Variants in GRIP1 observed in about 807,000 individuals in gnomAD.
The protein encoded by GRIP1 is glutamate receptor interacting protein 1.
Under a neutral mutation model 129.9 loss-of-function variants are expected in GRIP1, and 45 were observed. That is an observed-to-expected ratio of 0.35 (90% CI 0.27 to 0.44). The LOEUF (loss-of-function observed/expected upper bound fraction) is 0.44. Among genes scored for constraint, GRIP1 ranks in the 20% least tolerant of loss-of-function variants. GRIP1 has a pLI of 1.00. For synonymous variants in GRIP1, 530 were observed against 520.8 expected, an observed-to-expected ratio of 1.02 and a Z score of -0.24; for missense variants, 1,196 against 1,396.8, an observed-to-expected ratio of 0.86 and a Z score of 2.29.
At chr12:66,950,904 T>C (rs1412741609) in intron 1 of GRIP1, among the ~76,000 whole-genome samples, 1 of 152,236 alleles carries the variant, frequency 6.6e-6, no homozygotes, top group Non-Finnish European at 1.5e-5. Context: ...GAAAGTGCTA[T>C]GATGTGTTGC....
intron 1 of GRIP1, among the ~76,000 whole-genome samples, chr12:66,688,588 T>C (rs1037818465): frequency 1.3e-5 from 2 of 152,072 alleles, no homozygotes; most frequent in African/African-American, 4.8e-5. Flanking sequence ...TTTTACCAAA[T>C]CTCAAAGGTT....
chr12:66,498,878 G>A (rs537155768), intron 7 of GRIP1, among the ~76,000 whole-genome samples: 15 of 152,228 alleles, frequency 9.9e-5, no homozygotes, highest in African/African-American at 3.6e-4. Flanking sequence ...TGTACTACAA[G>A]GAGGAGAAGA....
intron 1 of GRIP1, among the ~76,000 whole-genome samples, chr12:66,731,757 A>T (rs937847906): frequency 3.3e-5 from 5 of 152,206 alleles, no homozygotes; most frequent in African/African-American, 1.2e-4. Context: ...TTAAAATGGT[A>T]AATTTTATGT....
intron 1 of GRIP1, among the ~76,000 whole-genome samples, chr12:66,897,799 T>A (rs1439724943): frequency 6.6e-6 from 1 of 152,258 alleles, no homozygotes; most frequent in Non-Finnish European, 1.5e-5. Flanking sequence ...ACCTTTCTAA[T>A]GTTTCCTTGT....
chr12:66,372,292 AC>A (rs1035082581), intron 22 of GRIP1: 3 of 346,504 alleles, frequency 8.7e-6, no homozygotes, highest in African/African-American at 6.3e-5. Context: ...TCATGAGGCC[AC>A]CTTGAATATA....
At chr12:66,818,877 C>T (rs536063426) in intron 1 of GRIP1, among the ~76,000 whole-genome samples, 134 of 152,200 alleles carry the variant, frequency 8.8e-4, no homozygotes, top group African/African-American at 3.2e-3. Flanking sequence ...CTGTACAGAA[C>T]CACTAATGAG....
intron 16 of GRIP1, 34 bp from the exon 17 acceptor site, chr12:66,394,386 C>T (rs1379647556): frequency 1.9e-6 from 3 of 1,607,172 alleles, no homozygotes; most frequent in Non-Finnish European, 8.5e-7. Context: ...TAATTGATTT[C>T]TTTGGAAAAA....
intron 2 of GRIP1, among the ~76,000 whole-genome samples, chr12:66,576,986 T>C (rs112005082): frequency 2.6e-5 from 4 of 152,334 alleles, no homozygotes; most frequent in African/African-American, 9.6e-5. Context: ...GGTGAGCTAA[T>C]GGTTTTCTTG....
chr12:66,592,510 T>C (rs980526945), intron 2 of GRIP1, among the ~76,000 whole-genome samples: 5 of 152,192 alleles, frequency 3.3e-5, no homozygotes, highest in Non-Finnish European at 7.3e-5. Context: ...CATCAAAGTT[T>C]AGAAATGTAA....
intron 2 of GRIP1, among the ~76,000 whole-genome samples, chr12:66,589,173 T>C (rs2063754956): frequency 1.3e-5 from 2 of 149,672 alleles, no homozygotes; most frequent in South Asian, 2.1e-4. Flanking sequence ...AGTACTTGTA[T>C]AATTATTCCC....
intron 9 of GRIP1, among the ~76,000 whole-genome samples, chr12:66,458,784 A>T (rs2138272979): frequency 6.6e-6 from 1 of 152,260 alleles, no homozygotes; most frequent in Admixed American, 6.5e-5. Flanking sequence ...TTTTAGCCAC[A>T]CTGATCTTAT....
At chr12:66,435,483 C>T (rs558591592) in intron 13 of GRIP1, among the ~76,000 whole-genome samples, 12 of 152,224 alleles carry the variant, frequency 7.9e-5, no homozygotes, top group South Asian at 2.1e-4. Context: ...TGATTACAGG[C>T]GGAGCCACTG....
At chr12:66,633,717 T>C (rs374628299) in intron 1 of GRIP1, among the ~76,000 whole-genome samples, 1 of 152,158 alleles carries the variant, frequency 6.6e-6, no homozygotes, top group Non-Finnish European at 1.5e-5. Flanking sequence ...GAATTTGAAG[T>C]AGGAAACTAA....
At chr12:66,834,926 T>TAAAA (rs71088212) in intron 1 of GRIP1, among the ~76,000 whole-genome samples, 6 of 92,558 alleles carry the variant, frequency 6.5e-5, no homozygotes, top group Admixed American at 3.9e-4. Context: ...CTCGTCTCTT[T>TAAAA]AAAAAAAAAA....
chr12:66,493,386 T>C (rs918419338), intron 7 of GRIP1, among the ~76,000 whole-genome samples: 1 of 152,206 alleles, frequency 6.6e-6, no homozygotes, highest in Non-Finnish European at 1.5e-5. Flanking sequence ...GATCACCATG[T>C]CCATGGAACT....
intron 1 of GRIP1, among the ~76,000 whole-genome samples, chr12:66,737,140 T>C (rs1037611359): frequency 6.6e-6 from 1 of 152,202 alleles, no homozygotes; most frequent in Non-Finnish European, 1.5e-5. Context: ...ATACAGGGGT[T>C]ACTATGTCAT....
chr12:66,633,532 G>A (rs1258032109), intron 1 of GRIP1, among the ~76,000 whole-genome samples: 4 of 152,042 alleles, frequency 2.6e-5, no homozygotes, highest in Non-Finnish European at 1.5e-5. Context: ...AGAATGTGGA[G>A]AGAGAGGGAA....
intron 1 of GRIP1, among the ~76,000 whole-genome samples, chr12:66,929,688 T>C (rs769650199): frequency 7.2e-5 from 11 of 152,202 alleles, no homozygotes; most frequent in Non-Finnish European, 1.2e-4. Flanking sequence ...TGAAATCTTA[T>C]GTCTACCAAG....
chr12:66,528,038 G>C (rs567837727), intron 5 of GRIP1, among the ~76,000 whole-genome samples: 13 of 151,964 alleles, frequency 8.6e-5, no homozygotes, highest in African/African-American at 2.9e-4. Flanking sequence ...GTCATCCTAT[G>C]AGTTGAGAGT....
Sources: gnomAD v4.1 joint callset for allele counts (sites outside exome capture counted in the v4.1 genomes callset) on GRCh38, gnomAD v4.1.1 for gene constraint, MANE v1.5 for transcripts, NCBI Gene and HGNC (gene_info 2026-07-23, HGNC 2026-07-21) for gene names.